Variants in EXOC6 observed in about 807,000 individuals in gnomAD.
The protein encoded by EXOC6 is exocyst complex component 6.
In EXOC6, 60 loss-of-function variants were observed where a neutral mutation model predicts 112.5. The observed-to-expected ratio is 0.53, with a 90% CI of 0.43 to 0.66. EXOC6 has a LOEUF of 0.66. Ranked by LOEUF, EXOC6 falls within the 30% of genes least tolerant of loss-of-function variation. EXOC6 has a pLI of 0.00. For missense variants in EXOC6, 855 were observed against 957.1 expected (o/e 0.89, Z 1.41); for synonymous variants, 295 against 308.0 (o/e 0.96, Z 0.44).
chr10:92,867,977 T>G (rs1002595296), intron 1 of EXOC6, among the ~76,000 whole-genome samples: 3 of 152,216 alleles, frequency 2.0e-5, no homozygotes, highest in African/African-American at 7.2e-5. Flanking sequence ...TAATCTTTTT[T>G]GTCCATTTCA....
At chr10:92,865,229 T>C (rs943700489) in intron 1 of EXOC6, among the ~76,000 whole-genome samples, 4 of 152,058 alleles carry the variant, frequency 2.6e-5, no homozygotes, top group African/African-American at 9.7e-5. Context: ...TGTCCCCTCA[T>C]TGCAGTCAAA....
At chr10:92,865,042 A>C (rs1036910968) in intron 1 of EXOC6, among the ~76,000 whole-genome samples, 2 of 152,192 alleles carry the variant, frequency 1.3e-5, no homozygotes, top group Non-Finnish European at 2.9e-5. Flanking sequence ...ATCAATCAAT[A>C]AATGTTTTTA....
upstream of EXOC6, among the ~76,000 whole-genome samples, chr10:92,833,071 C>T (rs1159563644): frequency 6.6e-6 from 1 of 152,156 alleles, no homozygotes; most frequent in African/African-American, 2.4e-5. Flanking sequence ...TCCATCCTGC[C>T]ATGGAGCAAA....
At chr10:92,905,835 G>T (rs190309489) in intron 5 of EXOC6, among the ~76,000 whole-genome samples, 1 of 152,198 alleles carries the variant, frequency 6.6e-6, no homozygotes, top group Non-Finnish European at 1.5e-5. Context: ...GAAGTATTCT[G>T]TCAATGCCAA....
At chr10:92,975,195 G>A (rs1039884780) in intron 18 of EXOC6, among the ~76,000 whole-genome samples, 4 of 151,214 alleles carry the variant, frequency 2.6e-5, no homozygotes, top group Admixed American at 6.6e-5. Context: ...CGTCTGAGAT[G>A]TGGGGAGCGC....
chr10:93,033,243 G>A (rs988101366), intron 20 of EXOC6, among the ~76,000 whole-genome samples: 2 of 152,310 alleles, frequency 1.3e-5, no homozygotes, highest in Admixed American at 1.3e-4. Context: ...AGAGCAATTA[G>A]ATGATTGTTT....
chr10:92,947,067 C>T (rs910897851), intron 13 of EXOC6, among the ~76,000 whole-genome samples: 1 of 151,980 alleles, frequency 6.6e-6, no homozygotes, highest in Non-Finnish European at 1.5e-5. Context: ...ATAATAGGTG[C>T]TCAATAAATA....
chr10:92,943,987 G>C (rs1852824630), intron 13 of EXOC6, among the ~76,000 whole-genome samples: 1 of 152,124 alleles, frequency 6.6e-6, no homozygotes, highest in Non-Finnish European at 1.5e-5. Flanking sequence ...CCTCATATAA[G>C]TGAGATTATG....
chr10:92,886,308 G>A (rs1271207444), intron 1 of EXOC6, among the ~76,000 whole-genome samples: 1 of 152,122 alleles, frequency 6.6e-6, no homozygotes, highest in Non-Finnish European at 1.5e-5. Context: ...CAGGGCCCTC[G>A]ATTTTCTCTA....
chr10:93,045,712 C>T (rs1404979372), intron 20 of EXOC6, among the ~76,000 whole-genome samples: 1 of 152,166 alleles, frequency 6.6e-6, no homozygotes, highest in African/African-American at 2.4e-5. Context: ...CGTTTGATTT[C>T]CTTGGTATTA....
intron 20 of EXOC6, among the ~76,000 whole-genome samples, chr10:93,054,146 AATT>A (rs989506403): frequency 3.3e-5 from 5 of 152,156 alleles, no homozygotes; most frequent in Non-Finnish European, 5.9e-5. Flanking sequence ...TTTTCTTTAT[AATT>A]TCTTCCATGT....
chr10:93,048,710 C>G lies in EXOC6; in HGVS notation c.2170-8214C>G, dbSNP rs1056951245. On this transcript the variant is annotated intron_variant, in intron 20 of 21. Coordinates refer to ENST00000260762, the MANE Select transcript of EXOC6 (RefSeq NM_019053.6). ...GGCAGAGGTTGCAGTGAGCCAAGAT[C>G]GTGCCACTGCACTCCAGCCTGGGCA... 2.1e-5 allele frequency among the ~76,000 whole-genome samples: 3 copies of G among 142,802 alleles called. No individual in the cohort carries two copies. The Admixed American group carries it at 2.2e-4, about 11-fold the overall frequency. The allele number at this position is 142,802 out of a possible 152,430, so 93.7% of individuals were successfully genotyped here. A position where few individuals can be genotyped will look rare whatever the true frequency, so the allele number is the denominator to read the frequency against.
intron 2 of EXOC6, 53 bp downstream of exon 2, chr10:92,893,573 CTTAG>C: frequency 7.0e-7 from 1 of 1,434,662 alleles, no homozygotes; most frequent in Non-Finnish European, 9.5e-7. Flanking sequence ...TTACTCAAGT[CTTAG>C]TTGATAGTAC....
At chr10:92,891,584 C>T (rs1438397860) in intron 1 of EXOC6, among the ~76,000 whole-genome samples, 2 of 152,080 alleles carry the variant, frequency 1.3e-5, no homozygotes, top group East Asian at 1.9e-4. Context: ...CGGGTTCAAG[C>T]GATTCTCCTG....
chr10:92,860,165 T>A (rs1333428586), intron 1 of EXOC6, among the ~76,000 whole-genome samples: 1 of 152,084 alleles, frequency 6.6e-6, no homozygotes, highest in Admixed American at 6.5e-5. Context: ...AAAATTCATA[T>A]AACATAAGAT....
chr10:92,894,059 T>C (rs1363908445), intron 2 of EXOC6, among the ~76,000 whole-genome samples: 1 of 152,222 alleles, frequency 6.6e-6, no homozygotes, highest in Admixed American at 6.5e-5. Context: ...TTATAAGAAT[T>C]GTCCTATTTA....
intron 1 of EXOC6, among the ~76,000 whole-genome samples, chr10:92,862,332 C>T (rs558962957): frequency 2.0e-5 from 3 of 149,528 alleles, no homozygotes; most frequent in Admixed American, 1.3e-4. Context: ...AGTTTCATGC[C>T]CCCCCCCCAT....
chr10:92,854,785 G>GTGTATTCAT (rs1423086798), intron 1 of EXOC6, among the ~76,000 whole-genome samples: 1 of 152,112 alleles, frequency 6.6e-6, no homozygotes, highest in African/African-American at 2.4e-5. Flanking sequence ...ATTTTTGCAT[G>GTGTATTCAT]TGTATTCATA....
chr10:92,847,541 T>C (rs893433566), upstream of EXOC6, among the ~76,000 whole-genome samples: 1 of 152,252 alleles, frequency 6.6e-6, no homozygotes, highest in African/African-American at 2.4e-5. Context: ...CCTGGATTAA[T>C]GTAGAGCAGA....
Sources: gnomAD v4.1 joint callset for allele counts (sites outside exome capture counted in the v4.1 genomes callset) on GRCh38, gnomAD v4.1.1 for gene constraint, MANE v1.5 for transcripts, NCBI Gene and HGNC (gene_info 2026-07-23, HGNC 2026-07-21) for gene names.